Variants in PTPN14 observed in about 807,000 individuals in gnomAD.
PTPN14 encodes the protein protein tyrosine phosphatase non-receptor type 14, also known as tyrosine-protein phosphatase non-receptor type 14.
In PTPN14, 53 loss-of-function variants were observed where a neutral mutation model predicts 126.8. That is an observed-to-expected ratio of 0.42 (90% confidence interval 0.34 to 0.53). The LOEUF is 0.53. PTPN14 is among the 20% of genes least tolerant of loss of function. PTPN14 has a pLI of 0.08. For synonymous variants in PTPN14, 630 were observed against 599.3 expected, an observed-to-expected ratio of 1.05 and a Z score of -0.75; for missense variants, 1,257 against 1,552.9, an observed-to-expected ratio of 0.81 and a Z score of 3.20.
At chr1:214,418,216 G>T (rs1659468170) in intron 3 of PTPN14, among the ~76,000 whole-genome samples, 1 of 152,210 alleles carries the variant, frequency 6.6e-6, no homozygotes, top group Non-Finnish European at 1.5e-5. Flanking sequence ...TGCTCAGTGA[G>T]CCTGAGCCCT....
chr1:214,520,786 C>A (rs1655235960), intron 1 of PTPN14, among the ~76,000 whole-genome samples: 2 of 152,054 alleles, frequency 1.3e-5, no homozygotes, highest in African/African-American at 4.8e-5. Context: ...TAAATAAATA[C>A]AAAACATTTC....
chr1:214,462,095 C>T (rs1660526158), intron 2 of PTPN14, among the ~76,000 whole-genome samples: 2 of 152,100 alleles, frequency 1.3e-5, no homozygotes, highest in Non-Finnish European at 2.9e-5. Flanking sequence ...TCAATGTTAT[C>T]TGTCATGGAA....
chr1:214,368,319 A>G (rs1658133306), intron 17 of PTPN14, among the ~76,000 whole-genome samples: 1 of 151,770 alleles, frequency 6.6e-6, no homozygotes, highest in African/African-American at 2.4e-5. Flanking sequence ...TTCCTGCCTC[A>G]GCCTCTCCAG....
Position 214,372,834 on chromosome 1 carries a change from C to G in PTPN14, c.2913G>C (p.Val971=). 1.2e-6 allele frequency: 2 copies of G among 1,614,074 alleles called. No homozygotes were observed. The highest frequency in any genetic ancestry group is 1.7e-6 in the Non-Finnish European group (2 of 1,179,986). Residue 971 remains valine (V), a synonymous_variant, in exon 16 of 19, where the codon GTG becomes GTC. Coordinates refer to ENST00000366956, the MANE Select transcript of PTPN14 (RefSeq NM_005401.5). ...TGTAGTGCCATTCTGCCCCGCCAAC[C>G]ACCACCTAAAAACCAAGAAAAGTAT... ...GYINASHIKV[V]VGGAEWHYIA...
At chr1:214,387,914 C>T (rs1364665666) in intron 11 of PTPN14, among the ~76,000 whole-genome samples, 1 of 151,892 alleles carries the variant, frequency 6.6e-6, no homozygotes, top group Non-Finnish European at 1.5e-5. Flanking sequence ...AAAATGTGGC[C>T]CACAACAATG....
At chr1:214,435,670 CAG>C (rs2102614033) in intron 3 of PTPN14, among the ~76,000 whole-genome samples, 1 of 152,226 alleles carries the variant, frequency 6.6e-6, no homozygotes, top group African/African-American at 2.4e-5. Flanking sequence ...CTAATCATTA[CAG>C]AAATGCAAAT....
rs768503114 is a variant in PTPN14, at chr1:214,357,673, G to T, written c.*249C>A. The T allele has an allele frequency of 9.5e-6, 3 of 315,840 alleles. No individual in the cohort carries two copies. The highest frequency in any genetic ancestry group is 4.6e-5 in the Admixed American group (1 of 21,770). The allele number at this position is 315,840 out of a possible 1,614,324, so 19.6% of individuals were successfully genotyped here. A position where few individuals can be genotyped will look rare whatever the true frequency, so the allele number is the denominator to read the frequency against. ...AGATCAGTCAAGATGTGGTTCAAAT[G>T]AAAAGTACTATATTACTAGGGAAAC... On this transcript the variant is annotated 3_prime_UTR_variant, in exon 19 of 19. Coordinates refer to ENST00000366956, the MANE Select transcript of PTPN14 (RefSeq NM_005401.5).
chr1:214,516,957 C>T (rs1655116053), intron 1 of PTPN14, among the ~76,000 whole-genome samples: 1 of 152,138 alleles, frequency 6.6e-6, no homozygotes, highest in African/African-American at 2.4e-5. Flanking sequence ...CTTTAAGGCA[C>T]CTGCTCTCCT....
chr1:214,368,201 T>TTTATTTATTTATTTAC (rs1658129705), intron 17 of PTPN14, among the ~76,000 whole-genome samples: 1 of 150,812 alleles, frequency 6.6e-6, no homozygotes, highest in South Asian at 2.1e-4. Flanking sequence ...TTCGTTTTTA[T>TTTATTTATTTATTTAC]TTATTTATTT....
intron 1 of PTPN14, among the ~76,000 whole-genome samples, chr1:214,521,550 TA>T (rs1031002519): frequency 1.3e-5 from 2 of 151,924 alleles, no homozygotes; most frequent in Non-Finnish European, 2.9e-5. Flanking sequence ...CCATTTCTAC[TA>T]AAAAATACAA....
chr1:214,495,165 T>C (rs1274417822), intron 1 of PTPN14, among the ~76,000 whole-genome samples: 1 of 152,220 alleles, frequency 6.6e-6, no homozygotes, highest in South Asian at 2.1e-4. Context: ...TGAATTTCAA[T>C]ACTATGTTTG....
intron 1 of PTPN14, among the ~76,000 whole-genome samples, chr1:214,508,112 T>C (rs1205708172): frequency 6.7e-6 from 1 of 149,756 alleles, no homozygotes; most frequent in Non-Finnish European, 1.5e-5. Flanking sequence ...CTGATCAGCA[T>C]GGTGGCTGCT....
At chr1:214,433,077 G>T (rs1371113536) in intron 3 of PTPN14, among the ~76,000 whole-genome samples, 1 of 151,956 alleles carries the variant, frequency 6.6e-6, no homozygotes, top group African/African-American at 2.4e-5. Flanking sequence ...CTATTTTTTT[G>T]TATTTTTAGT....
At chr1:214,439,712 C>T (rs1003320772) in intron 3 of PTPN14, among the ~76,000 whole-genome samples, 1 of 152,204 alleles carries the variant, frequency 6.6e-6, no homozygotes, top group South Asian at 2.1e-4. Context: ...ATTTGAGTCA[C>T]ACCTGGTAAC....
At chr1:214,368,196 T>TTTTATTTATTTATTTATTTA (rs142403379) in intron 17 of PTPN14, among the ~76,000 whole-genome samples, 20,169 of 146,128 alleles carry the variant, frequency 0.14, 1,801 homozygotes, top group African/African-American at 0.23. Context: ...TGTTATTCGT[T>TTTTATTTATTTATTTATTTA]TTTATTTATT....
chr1:214,466,392 G>C (rs1660640212), intron 1 of PTPN14, among the ~76,000 whole-genome samples: 1 of 151,100 alleles, frequency 6.6e-6, no homozygotes, highest in South Asian at 2.1e-4. Context: ...CCATCATCTT[G>C]TTCCTTTACA....
intron 1 of PTPN14, among the ~76,000 whole-genome samples, chr1:214,476,051 A>G (rs1004487288): frequency 4.6e-5 from 7 of 152,178 alleles, no homozygotes; most frequent in Non-Finnish European, 7.3e-5. Context: ...GACATTACTC[A>G]GACATGGTGG....
At chr1:214,520,065 A>ATATATATATATATATATAT (rs1553274992) in intron 1 of PTPN14, among the ~76,000 whole-genome samples, 22 of 71,102 alleles carry the variant, frequency 3.1e-4, no homozygotes, top group African/African-American at 1.2e-3. Context: ...AAAAAAAAAA[A>ATATATATATATATATATAT]ATATATATAT....
At chr1:214,444,329 T>C (rs992342763) in intron 3 of PTPN14, among the ~76,000 whole-genome samples, 25 of 152,196 alleles carry the variant, frequency 1.6e-4, no homozygotes, top group African/African-American at 5.8e-4. Flanking sequence ...TCCCATTCAC[T>C]AGCTGGAGCT....
Sources: gnomAD v4.1 joint callset for allele counts (sites outside exome capture counted in the v4.1 genomes callset) on GRCh38, gnomAD v4.1.1 for gene constraint, MANE v1.5 for transcripts, NCBI Gene and HGNC (gene_info 2026-07-23, HGNC 2026-07-21) for gene names.